Variants in C14orf93 observed in about 807,000 individuals in gnomAD.
The protein encoded by C14orf93 is chromosome 14 open reading frame 93, also known as uncharacterized protein C14orf93.
In C14orf93, 23 loss-of-function variants were observed where a neutral mutation model predicts 44.0. The ratio of observed to expected loss-of-function variants is 0.52; its 90% CI spans 0.38 to 0.74. The LOEUF is 0.74. C14orf93 is among the 30% of genes least tolerant of loss of function. The probability of loss-of-function intolerance (pLI) is 0.00; values close to 1 mark genes in which losing one functional copy is unlikely to be tolerated. For missense variants in C14orf93, 579 were observed against 678.9 expected (o/e 0.85, Z 1.64); for synonymous variants, 253 against 265.7 (o/e 0.95, Z 0.46).
chr14:22,995,679 CAAAAAAAA>C (rs58710730), intron 3 of C14orf93, among the ~76,000 whole-genome samples: 1 of 45,040 alleles, frequency 2.2e-5, no homozygotes, highest in African/African-American at 7.4e-5. Context: ...GACTCTGACT[CAAAAAAAA>C]AAAAAAAAAA....
At chr14:23,003,339 C>T (rs565507695) in intron 1 of C14orf93, among the ~76,000 whole-genome samples, 4 of 152,364 alleles carry the variant, frequency 2.6e-5, no homozygotes, top group Non-Finnish European at 5.9e-5. Flanking sequence ...TTGCTATAGT[C>T]TCTCACCTAA....
intron 1 of C14orf93, chr14:23,001,035 A>C (rs1227773451): frequency 1.3e-5 from 2 of 152,250 alleles, no homozygotes; most frequent in Non-Finnish European, 2.9e-5. Flanking sequence ...GCTAAACCTG[A>C]AACTAAAGGT....
chr14:23,005,518 T>G (rs772336141), intron 1 of C14orf93: 1 of 152,190 alleles, frequency 6.6e-6, no homozygotes, highest in Non-Finnish European at 1.5e-5. Context: ...AGAAGTGTAT[T>G]TATTTAACAT....
rs116676859 is a variant in C14orf93, at chr14:23,000,809, C to G, written c.-379-1407G>C. On this transcript the variant is annotated intron_variant, in intron 1 of 6. Transcript: ENST00000299088. Reference sequence around the variant, plus strand: ...TCTTTTTGAATAGGCAATCTCATTTCAGAAAGAGGCAATATCAATGCCTCT... The same window carrying G: ...TCTTTTTGAATAGGCAATCTCATTTGAGAAAGAGGCAATATCAATGCCTCT... The G allele has an allele frequency of 3.0e-3, 459 of 150,898 alleles. 2 individuals are homozygous for G. Among genetic ancestry groups the G allele is most frequent in the African/African-American group, 0.011 (442 of 41,082 alleles). 9.3% of individuals were successfully genotyped at this position (150,898 alleles called of 1,614,324 possible). A position where few individuals can be genotyped will look rare whatever the true frequency, so the allele number is the denominator to read the frequency against.
rs2045264139 is a variant in C14orf93, at chr14:22,987,105, T to C, written c.*110A>G. 1 of 1,214,686 alleles carries C rather than the reference T, an allele frequency of 8.2e-7. No homozygotes were observed. Among genetic ancestry groups the C allele is most frequent in the Non-Finnish European group, 1.1e-6 (1 of 886,334 alleles). 75.2% of individuals were successfully genotyped at this position (1,214,686 alleles called of 1,614,324 possible). A position where few individuals can be genotyped will look rare whatever the true frequency, so the allele number is the denominator to read the frequency against. ...GACTGTGTTAAGAAAAGAGGCAAAT[T>C]TGCTTTCTCAGACTGCACAGAGCAT... On this transcript the variant is annotated 3_prime_UTR_variant, in exon 7 of 7. Transcript: ENST00000299088. This position sits in a 1 kb window ranked among gnomAD's most constrained non-coding sequence, Gnocchi z 5.6.
intron 1 of C14orf93, chr14:23,006,706 G>A (rs1002040606): frequency 1.3e-5 from 2 of 152,248 alleles, no homozygotes; most frequent in Admixed American, 6.5e-5. Context: ...CCCCAGGGAG[G>A]GCAGAACCGT....
At chr14:23,008,517 ATTTT>A (rs900427156) in intron 1 of C14orf93, among the ~76,000 whole-genome samples, 2 of 147,866 alleles carry the variant, frequency 1.4e-5, no homozygotes, top group Non-Finnish European at 3.0e-5. Context: ...TCTACAGTAG[ATTTT>A]TTTTTTTGTC....
intron 1 of C14orf93, among the ~76,000 whole-genome samples, chr14:23,008,404 G>C (rs1006074550): frequency 6.6e-6 from 1 of 152,198 alleles, no homozygotes; most frequent in East Asian, 1.9e-4. Context: ...CTTTATTGCA[G>C]TCAGTATTTA....
chr14:23,007,727 G>A (rs1316393101), intron 1 of C14orf93, among the ~76,000 whole-genome samples: 1 of 152,160 alleles, frequency 6.6e-6, no homozygotes, highest in African/African-American at 2.4e-5. Context: ...TAGGAAATCA[G>A]GGATACGGGC....
intron 1 of C14orf93, chr14:23,005,483 AGAG>A (rs1223703988): frequency 6.6e-6 from 1 of 152,222 alleles, no homozygotes; most frequent in Non-Finnish European, 1.5e-5. Flanking sequence ...ATAAATAAAA[AGAG>A]GAGACACCAG....
chr14:23,002,916 A>G (rs2046385352), intron 1 of C14orf93: 1 of 152,206 alleles, frequency 6.6e-6, no homozygotes, highest in African/African-American at 2.4e-5. Context: ...ATTTGCCCCC[A>G]AATTTAATAT....
chr14:23,009,216 G>T (rs142840770), intron 1 of C14orf93, among the ~76,000 whole-genome samples: 1 of 152,288 alleles, frequency 6.6e-6, no homozygotes, highest in East Asian at 1.9e-4. Flanking sequence ...TCCTTTAGGA[G>T]CAGAAAAATA....
intron 5 of C14orf93, 98 bp from the exon 6 acceptor site, chr14:22,988,113 C>T (rs1381005696): frequency 6.8e-6 from 5 of 737,994 alleles, no homozygotes; most frequent in Non-Finnish European, 1.2e-5. Flanking sequence ...GGGAGGTTGG[C>T]GATCACTACT....
chr14:22,989,806 A>C lies in C14orf93; in HGVS notation c.1020T>G (p.Leu340=). Residue 340 remains leucine, a synonymous_variant, in exon 5 of 7, where the codon CTT becomes CTG. Coordinates refer to ENST00000299088, the MANE Select transcript of C14orf93 (RefSeq NM_021944.4). The stretch of plus-strand genomic sequence containing the variant: ...CCAGCTCTTGCTTGAGCTTTTCCAG[A>C]AGAAACTTCACTACTGAAATATTCC... ...SSWNISVVKF[L]LEKLKQELVT... 6.2e-7 allele frequency: 1 copy of C among 1,614,150 alleles called. No individual in the cohort carries two copies. The highest frequency in any genetic ancestry group is 8.5e-7 in the Non-Finnish European group (1 of 1,179,990).
intron 1 of C14orf93, among the ~76,000 whole-genome samples, chr14:23,007,554 G>A (rs768231452): frequency 1.3e-5 from 2 of 152,160 alleles, no homozygotes; most frequent in Non-Finnish European, 2.9e-5. Context: ...AATACTAGGG[G>A]CCCCGAGGAT....
chr14:22,990,122 C>G lies in C14orf93; in HGVS notation c.924G>C (p.Leu308=), dbSNP rs1202820557. ...TGATGTGGTTATGCACATTGTGGAC[C>G]AGTTTCTAGGAGGAAAAAAAGAAAA... ...RRKRDLVLSK[L]VHNVHNHITN... is the part of the protein sequence containing the mutation. The change falls in exon 4 of 7, where the codon CTG becomes CTC. Residue 308 remains leucine, a synonymous_variant. Transcript: ENST00000299088. 1.2e-5 allele frequency: 20 copies of G among 1,613,196 alleles called. No individual in the cohort carries two copies. The highest frequency in any genetic ancestry group is 1.7e-5 in the Non-Finnish European group (20 of 1,179,394).
At chr14:22,994,293 G>C (rs1419194523) in intron 3 of C14orf93, 1 of 151,864 alleles carries the variant, frequency 6.6e-6, no homozygotes, top group Non-Finnish European at 1.5e-5. Flanking sequence ...TGGGTGAATT[G>C]CCTGATCTCA....
In C14orf93 at chr14:22,998,982, G is replaced by A. The variant is rs757323258; in HGVS notation, c.42C>T (p.Gly14=). 3.5e-5 allele frequency: 57 copies of A among 1,612,984 alleles called. No individual in the cohort carries two copies. The South Asian group carries it at 6.3e-4, about 18-fold the overall frequency. The change falls in exon 2 of 7, where the codon GGC becomes GGT. Residue 14 remains glycine (G), a synonymous_variant. Transcript: ENST00000299088. ...SATILFSPPS[G]SEARCCCCAC... Reference sequence around the variant, plus strand: ...CGCAGCAGCAGCATCTGGCCTCGCTGCCACTGGGAGGGGAGAAGAGAATGG... The same window carrying A: ...CGCAGCAGCAGCATCTGGCCTCGCTACCACTGGGAGGGGAGAAGAGAATGG...
At chr14:22,994,472 C>T (rs555436460) in intron 3 of C14orf93, among the ~76,000 whole-genome samples, 1 of 152,228 alleles carries the variant, frequency 6.6e-6, no homozygotes, top group African/African-American at 2.4e-5. Flanking sequence ...CGCCACTGCA[C>T]TCCAGCCTGG....
Sources: allele counts gnomAD v4.1 joint callset (sites outside exome capture counted in the v4.1 genomes callset), GRCh38; gene constraint gnomAD v4.1.1; non-coding constraint Gnocchi (gnomAD v3.1); transcripts MANE v1.5; gene names NCBI Gene and HGNC (gene_info 2026-07-23, HGNC 2026-07-21).